The following LRRC4C variants were observed in gnomAD, a reference collection of about 807,000 sequenced individuals.
LRRC4C encodes leucine-rich repeat-containing protein 4C.
LRRC4C carries 5 observed loss-of-function variants against 33.6 expected under a neutral mutation model. That is an observed-to-expected ratio of 0.15 (90% CI 0.08 to 0.31). The LOEUF (loss-of-function observed/expected upper bound fraction) is 0.31, where lower values mean the gene tolerates loss of function less well. LRRC4C is among the 10% of genes least tolerant of loss of function. The pLI is 1.00. For missense variants in LRRC4C, 560 were observed against 796.7 expected (o/e 0.70, Z 3.58); for synonymous variants, 329 against 302.0 (o/e 1.09, Z -0.93).
intron 2 of LRRC4C, among the ~76,000 whole-genome samples, chr11:40,699,212 A>C (rs555240942): frequency 4.9e-4 from 74 of 152,314 alleles, no homozygotes; most frequent in African/African-American, 1.8e-3. Context: ...ATTATAAGGA[A>C]TATGTAGCGA....
At chr11:40,409,634 C>T (rs937458054) in intron 3 of LRRC4C, among the ~76,000 whole-genome samples, 1 of 152,000 alleles carries the variant, frequency 6.6e-6, no homozygotes, top group Non-Finnish European at 1.5e-5. Flanking sequence ...TATAAAAATG[C>T]TCAACATCAT....
intron 1 of LRRC4C, among the ~76,000 whole-genome samples, chr11:41,253,059 AC>A (rs1041713557): frequency 6.6e-6 from 1 of 152,152 alleles, no homozygotes; most frequent in African/African-American, 2.4e-5. Flanking sequence ...AAGAGTCAAG[AC>A]GATCATTCAC....
chr11:40,414,814 T>A lies in LRRC4C; in HGVS notation c.-269-95093A>T, dbSNP rs185125166. On this transcript the variant is annotated intron_variant, in intron 3 of 6. Transcript: ENST00000528697. ...ACAACCAGAAGAGGAGAAGAAGGGA[T>A]CTTCTCTCCGAAGGGATGGAACTCC... Among the ~76,000 whole-genome samples the A allele has an allele frequency of 1.1e-3, 172 of 152,200 alleles. 1 individual carries two copies. Among genetic ancestry groups the A allele is most frequent in the Middle Eastern group, 3.4e-3 (1 of 294 alleles).
intron 3 of LRRC4C, among the ~76,000 whole-genome samples, chr11:40,383,191 G>T (rs1948961519): frequency 6.6e-6 from 1 of 152,046 alleles, no homozygotes; most frequent in South Asian, 2.1e-4. Flanking sequence ...CAAATGGCAG[G>T]ATTTCCTTTT....
chr11:41,128,106 C>G (rs961709278), intron 1 of LRRC4C, among the ~76,000 whole-genome samples: 47 of 151,892 alleles, frequency 3.1e-4, no homozygotes, highest in African/African-American at 1.1e-3. Flanking sequence ...AAGGGAAGGC[C>G]CATATTTTCT....
At chr11:40,630,494 A>T (rs144846187) in intron 3 of LRRC4C, among the ~76,000 whole-genome samples, 14 of 151,612 alleles carry the variant, frequency 9.2e-5, no homozygotes, top group African/African-American at 3.4e-4. Flanking sequence ...CTATGCAGCA[A>T]GTTTTGAGTT....
chr11:40,188,264 C>T (rs780455073), intron 5 of LRRC4C, among the ~76,000 whole-genome samples: 1 of 152,110 alleles, frequency 6.6e-6, no homozygotes, highest in Non-Finnish European at 1.5e-5. Flanking sequence ...CCTTTTTGGT[C>T]CTACAACCTT....
chr11:40,935,520 C>T (rs1362817836), intron 1 of LRRC4C, among the ~76,000 whole-genome samples: 1 of 152,048 alleles, frequency 6.6e-6, no homozygotes. Flanking sequence ...TTTAGATACA[C>T]AAATACTTAG....
intron 3 of LRRC4C, among the ~76,000 whole-genome samples, chr11:40,344,524 A>G (rs1441517505): frequency 7.9e-5 from 12 of 152,168 alleles, no homozygotes. Context: ...AGAGCCCTCT[A>G]TGATAACCCA....
chr11:40,236,648 C>T (rs1002990725), intron 5 of LRRC4C, among the ~76,000 whole-genome samples: 3 of 152,088 alleles, frequency 2.0e-5, no homozygotes, highest in Non-Finnish European at 4.4e-5. Context: ...CCTCCCCCAG[C>T]TCTCTTTTTC....
intron 2 of LRRC4C, among the ~76,000 whole-genome samples, chr11:40,911,726 C>T (rs901324112): frequency 6.6e-6 from 1 of 152,154 alleles, no homozygotes; most frequent in Non-Finnish European, 1.5e-5. Context: ...GAGAAGAAGG[C>T]TTCAGACGAT....
intron 2 of LRRC4C, among the ~76,000 whole-genome samples, chr11:40,756,757 A>C (rs142028430): frequency 5.9e-5 from 9 of 152,162 alleles, no homozygotes; most frequent in African/African-American, 2.2e-4. Flanking sequence ...ATTTTCACAA[A>C]TATTACCTAG....
chr11:40,992,145 A>G (rs1288021293), intron 1 of LRRC4C, among the ~76,000 whole-genome samples: 1 of 152,332 alleles, frequency 6.6e-6, no homozygotes, highest in East Asian at 1.9e-4. Flanking sequence ...TTCAAATCAC[A>G]TATCTGTGTA....
At chr11:40,873,961 C>T (rs952933739) in intron 2 of LRRC4C, among the ~76,000 whole-genome samples, 2 of 152,122 alleles carry the variant, frequency 1.3e-5, no homozygotes, top group Non-Finnish European at 1.5e-5. Context: ...GTACCATTGA[C>T]ATACAGAGTA....
chr11:41,342,807 G>A (rs1051581875), intron 1 of LRRC4C, among the ~76,000 whole-genome samples: 1 of 152,124 alleles, frequency 6.6e-6, no homozygotes, highest in Non-Finnish European at 1.5e-5. Context: ...GTTTCCAAGG[G>A]CTGCTGTAAA....
chr11:41,329,901 G>A (rs1240143442), intron 1 of LRRC4C, among the ~76,000 whole-genome samples: 1 of 152,196 alleles, frequency 6.6e-6, no homozygotes, highest in Non-Finnish European at 1.5e-5. Context: ...TGAACACTGA[G>A]CACGTGGAAA....
intron 3 of LRRC4C, among the ~76,000 whole-genome samples, chr11:40,458,505 C>T (rs1431448014): frequency 6.6e-6 from 1 of 152,142 alleles, no homozygotes; most frequent in East Asian, 1.9e-4. Context: ...CCACTGCAAC[C>T]ATTCACCATT....
chr11:40,875,063 G>T (rs1284050514), intron 2 of LRRC4C, among the ~76,000 whole-genome samples: 1 of 152,032 alleles, frequency 6.6e-6, no homozygotes, highest in African/African-American at 2.4e-5. Flanking sequence ...AGTATAAAAT[G>T]TCAGAATTTA....
intron 2 of LRRC4C, among the ~76,000 whole-genome samples, chr11:40,862,777 A>G (rs1352708181): frequency 6.6e-6 from 1 of 152,192 alleles, no homozygotes; most frequent in African/African-American, 2.4e-5. Context: ...GTCAAGTGCT[A>G]TATAAGGAAC....
Sources: gnomAD v4.1 joint callset for allele counts (sites outside exome capture counted in the v4.1 genomes callset) on GRCh38, gnomAD v4.1.1 for gene constraint, MANE v1.5 for transcripts, NCBI Gene and HGNC (gene_info 2026-07-23, HGNC 2026-07-21) for gene names.